TMEM132D: variants seen among roughly 807,000 people sequenced by gnomAD.
The protein encoded by TMEM132D is mature OL transmembrane protein.
In TMEM132D, 21 loss-of-function variants were observed where a neutral mutation model predicts 62.3. The ratio of observed to expected loss-of-function variants is 0.34; its 90% CI spans 0.24 to 0.49. The LOEUF (loss-of-function observed/expected upper bound fraction) is 0.49, where lower values mean the gene tolerates loss of function less well. Among genes scored for constraint, TMEM132D ranks in the 20% least tolerant of loss-of-function variants. The probability of loss-of-function intolerance (pLI) is 0.99; values close to 1 mark genes in which losing one functional copy is unlikely to be tolerated. For synonymous variants in TMEM132D, 621 were observed against 575.6 expected (o/e 1.08, Z -1.13); for missense variants, 1,346 against 1,402.8 (o/e 0.96, Z 0.65).
intron 4 of TMEM132D, 134 bp from the exon 5 acceptor site, chr12:129,209,797 G>A: frequency 1.5e-6 from 2 of 1,298,606 alleles, no homozygotes; most frequent in Non-Finnish European, 2.1e-6. Context: ...AATCCTGGCA[G>A]TCCGCACCAG....
intron 4 of TMEM132D, among the ~76,000 whole-genome samples, chr12:129,269,685 C>T (rs898760961): frequency 7.9e-6 from 1 of 125,810 alleles, no homozygotes; most frequent in African/African-American, 3.0e-5. Context: ...CTTAACAAAA[C>T]CCCCCCAGTT....
chr12:129,840,790 C>T (rs1417475948), intron 1 of TMEM132D, among the ~76,000 whole-genome samples: 1 of 152,202 alleles, frequency 6.6e-6, no homozygotes, highest in Non-Finnish European at 1.5e-5. Context: ...CCTCAAACAT[C>T]AAACAAGGAC....
chr12:129,708,014 C>T (rs887806216), intron 1 of TMEM132D, among the ~76,000 whole-genome samples: 3 of 152,116 alleles, frequency 2.0e-5, no homozygotes, highest in Non-Finnish European at 2.9e-5. Context: ...GTCCAGAGTT[C>T]GAGACCAGCT....
chr12:129,368,525 C>A (rs1870496572), intron 3 of TMEM132D, among the ~76,000 whole-genome samples: 1 of 152,084 alleles, frequency 6.6e-6, no homozygotes, highest in African/African-American at 2.4e-5. Flanking sequence ...TCCCTCTCTC[C>A]CTCCCTGCCT....
chr12:129,097,592 C>T (rs148518358), intron 5 of TMEM132D, among the ~76,000 whole-genome samples: 292 of 152,290 alleles, frequency 1.9e-3, no homozygotes, highest in African/African-American at 5.4e-3. Flanking sequence ...GGCCTTAGGC[C>T]TCCAATGGTT....
intron 3 of TMEM132D, among the ~76,000 whole-genome samples, chr12:129,409,669 G>T (rs1871905913): frequency 6.6e-6 from 1 of 152,132 alleles, no homozygotes; most frequent in South Asian, 2.1e-4. Flanking sequence ...ATAAATAAAA[G>T]CATTTCTTTG....
intron 1 of TMEM132D, among the ~76,000 whole-genome samples, chr12:129,847,273 G>A (rs1395997506): frequency 6.6e-6 from 1 of 152,162 alleles, no homozygotes; most frequent in South Asian, 2.1e-4. Context: ...CTAGGTCAAC[G>A]TTATTATGAG....
chr12:129,277,802 A>C lies in TMEM132D; in HGVS notation c.1299+59832T>G, dbSNP rs1881040396. ...GTCCTCTGGTGACACTCATGATGTGAATATGACAAAGTTTGGAAAATACTG... is the reference window on the plus strand; with the variant it reads ...GTCCTCTGGTGACACTCATGATGTGCATATGACAAAGTTTGGAAAATACTG... On this transcript the variant is annotated intron_variant, in intron 4 of 8. Coordinates refer to ENST00000422113, the MANE Select transcript of TMEM132D (RefSeq NM_133448.3). This position sits in a 1 kb window ranked among gnomAD's most constrained non-coding sequence, Gnocchi z 4.2. Among the ~76,000 whole-genome samples, 1 of 152,176 alleles carries C rather than the reference A, an allele frequency of 6.6e-6. No individual in the cohort carries two copies.
chr12:129,408,075 A>C (rs1871850357), intron 3 of TMEM132D, among the ~76,000 whole-genome samples: 1 of 152,026 alleles, frequency 6.6e-6, no homozygotes, highest in African/African-American at 2.4e-5. Context: ...CTGTATTAGA[A>C]TCTAAGTGAT....
intron 2 of TMEM132D, among the ~76,000 whole-genome samples, chr12:129,537,766 C>A (rs1876442149): frequency 2.6e-5 from 4 of 152,154 alleles, no homozygotes; most frequent in Admixed American, 2.6e-4. Context: ...CTCCACACCC[C>A]CACAGGGAAA....
chr12:129,127,292 G>T (rs77600827), intron 5 of TMEM132D, among the ~76,000 whole-genome samples: 3 of 152,038 alleles, frequency 2.0e-5, no homozygotes, highest in Admixed American at 6.6e-5. Flanking sequence ...GGAACATTGC[G>T]CAAACAAACA....
intron 1 of TMEM132D, among the ~76,000 whole-genome samples, chr12:129,737,694 G>A (rs1869472042): frequency 6.6e-6 from 1 of 152,186 alleles, no homozygotes; most frequent in African/African-American, 2.4e-5. Flanking sequence ...TGAATTTGCA[G>A]CATCACTCTA....
chr12:129,664,310 G>A (rs1880317862), intron 2 of TMEM132D, among the ~76,000 whole-genome samples: 1 of 152,160 alleles, frequency 6.6e-6, no homozygotes, highest in Admixed American at 6.5e-5. Flanking sequence ...GTATGAATGG[G>A]AACCAGCTTT....
chr12:129,383,846 C>T (rs79939951), intron 3 of TMEM132D, among the ~76,000 whole-genome samples: 3,159 of 152,230 alleles, frequency 0.021, 102 homozygotes, highest in African/African-American at 0.072. Flanking sequence ...TACAGAAGAC[C>T]GGGTCCCAAA....
chr12:129,469,676 G>A (rs1874036527), intron 3 of TMEM132D, among the ~76,000 whole-genome samples: 1 of 152,142 alleles, frequency 6.6e-6, no homozygotes, highest in Non-Finnish European at 1.5e-5. Context: ...CTGCCACTCT[G>A]GTGTGGCACT....
intron 3 of TMEM132D, among the ~76,000 whole-genome samples, chr12:129,352,460 A>G (rs1869898829): frequency 6.9e-6 from 1 of 144,726 alleles, no homozygotes. Flanking sequence ...TTCTAGCATC[A>G]GAGTGAACAG....
At chr12:129,791,833 G>T (rs1229325626) in intron 1 of TMEM132D, among the ~76,000 whole-genome samples, 1 of 152,132 alleles carries the variant, frequency 6.6e-6, no homozygotes, top group African/African-American at 2.4e-5. Context: ...TAGTCAAACA[G>T]CCGTCAGCAG....
Position 129,071,791 on chromosome 12 carries a change from T to A in TMEM132D, c.*2084A>T, listed in dbSNP as rs374671881. 11 of 152,292 alleles carry A rather than the reference T, an allele frequency of 7.2e-5. No individual in the cohort carries two copies. Among genetic ancestry groups the A allele is most frequent in the Admixed American group, 3.9e-4 (6 of 15,294 alleles). 9.4% of individuals were successfully genotyped at this position (152,292 alleles called of 1,614,324 possible). On this transcript the variant is annotated 3_prime_UTR_variant, in exon 9 of 9. Coordinates refer to ENST00000422113, the MANE Select transcript of TMEM132D (RefSeq NM_133448.3). Reference sequence around the variant, plus strand: ...ATAAATATATATTACATTCTTACAATCTACAGTACATTCTACACGCAGATG... The same window carrying A: ...ATAAATATATATTACATTCTTACAAACTACAGTACATTCTACACGCAGATG...
intron 2 of TMEM132D, among the ~76,000 whole-genome samples, chr12:129,554,038 T>C (rs59140422): frequency 0.051 from 7,787 of 152,286 alleles, 631 homozygotes; most frequent in African/African-American, 0.18. Context: ...AAATTCTAGA[T>C]ATAGTCCCAG....
Sources: allele counts gnomAD v4.1 joint callset (sites outside exome capture counted in the v4.1 genomes callset), GRCh38; gene constraint gnomAD v4.1.1; non-coding constraint Gnocchi (gnomAD v3.1); transcripts MANE v1.5; gene names NCBI Gene and HGNC (gene_info 2026-07-23, HGNC 2026-07-21).